The following SRGAP2 variants were observed in gnomAD, a reference collection of about 807,000 sequenced individuals.
SRGAP2 encodes SLIT-ROBO Rho GTPase-activating protein 2.
SRGAP2 carries 15 observed loss-of-function variants against 57.2 expected under a neutral mutation model. The observed-to-expected ratio is 0.26, with a 90% confidence interval of 0.18 to 0.40. SRGAP2 has a LOEUF of 0.40. Among genes scored for constraint, SRGAP2 ranks in the 10% least tolerant of loss-of-function variants. SRGAP2 has a pLI of 1.00. For synonymous variants in SRGAP2, 249 were observed against 248.0 expected, an observed-to-expected ratio of 1.00 and a Z score of -0.04; for missense variants, 520 against 669.6, an observed-to-expected ratio of 0.78 and a Z score of 2.47.
intron 19 of SRGAP2, among the ~76,000 whole-genome samples, chr1:206,452,701 AC>A (rs1200048360): frequency 2.6e-5 from 4 of 152,036 alleles, no homozygotes; most frequent in African/African-American, 9.7e-5. Flanking sequence ...ATCCTGGCTA[AC>A]ATGGTGAAAC....
At chr1:206,290,905 C>T (rs1479902851) in intron 2 of SRGAP2, among the ~76,000 whole-genome samples, 4 of 152,052 alleles carry the variant, frequency 2.6e-5, no homozygotes, top group Non-Finnish European at 4.4e-5. Flanking sequence ...CTTTTCTCTG[C>T]GGCCTCTCCA....
At chr1:206,439,947 A>C (rs1553371333) in intron 16 of SRGAP2, 29 bp from the exon 17 acceptor site, 2 of 778,670 alleles carry the variant, frequency 2.6e-6, no homozygotes, top group South Asian at 2.7e-5. Context: ...GTCATAGTGG[A>C]GGATAACACA....
rs11120575 is a variant in SRGAP2 at position 206,453,261 on chromosome 1, A to G, written c.2241A>G (p.Leu747=). ...FDYVGRTARE[L]SFKKGASLLL... Reference sequence around the variant, plus strand: ...ACGTGGGCCGGACAGCCCGAGAGCTATCCTTTAAGAAGGGAGCATCCCTGC... The same window carrying G: ...ACGTGGGCCGGACAGCCCGAGAGCTGTCCTTTAAGAAGGGAGCATCCCTGC... The change falls in exon 20 of 23, where the codon CTA becomes CTG. Residue 747 remains leucine (L), a synonymous_variant. Transcript: ENST00000573034. The G allele has an allele frequency of 0.54, 395,981 of 738,452 alleles. 110,120 individuals carry two copies. The highest frequency in any genetic ancestry group is 0.77 in the East Asian group (28,902 of 37,438). 45.7% of individuals were successfully genotyped at this position (738,452 alleles called of 1,614,324 possible). A position where few individuals can be genotyped will look rare whatever the true frequency, so the allele number is the denominator to read the frequency against.
chr1:206,274,939 TAA>T (rs1301575461), intron 2 of SRGAP2, among the ~76,000 whole-genome samples: 2 of 108,494 alleles, frequency 1.8e-5, no homozygotes, highest in Non-Finnish European at 3.7e-5. Flanking sequence ...GATATATCCC[TAA>T]TCAAGAGCCT....
rs1553380525 is a variant in SRGAP2 at position 206,461,186 on chromosome 1, C to T, written c.2982C>T (p.Ser994=). The T allele has an allele frequency of 1.3e-6, 1 of 780,596 alleles. No individual in the cohort carries two copies. The highest frequency in any genetic ancestry group is 2.4e-6 in the Non-Finnish European group (1 of 417,852). The allele number at this position is 780,596 out of a possible 1,614,324, so 48.4% of individuals were successfully genotyped here. ...TGGCCCCCACGTCAGAGCCCTCCAGCCCTCTGCACACCCAGCTCCTCAAGG... is the reference window on the plus strand; with the variant it reads ...TGGCCCCCACGTCAGAGCCCTCCAGTCCTCTGCACACCCAGCTCCTCAAGG... ...PVVAPTSEPS[S]PLHTQLLKDP... Residue 994 remains serine, a synonymous_variant, in exon 23 of 23, where the codon AGC becomes AGT. Coordinates refer to ENST00000573034, the MANE Select transcript of SRGAP2 (RefSeq NM_015326.5).
At chr1:206,342,139 A>T (rs1363193028) in intron 3 of SRGAP2, among the ~76,000 whole-genome samples, 1 of 152,038 alleles carries the variant, frequency 6.6e-6, no homozygotes, top group East Asian at 1.9e-4. Context: ...AATGAAATCA[A>T]AACTTCCTTA....
intron 2 of SRGAP2, among the ~76,000 whole-genome samples, chr1:206,262,203 A>G (rs1669596202): frequency 6.8e-6 from 1 of 148,088 alleles, no homozygotes; most frequent in African/African-American, 2.5e-5. Context: ...TTCTGTGTTC[A>G]AATCCTGGTT....
intron 2 of SRGAP2, among the ~76,000 whole-genome samples, chr1:206,239,568 G>A (rs1362165898): frequency 3.3e-5 from 5 of 151,626 alleles, no homozygotes; most frequent in Non-Finnish European, 5.9e-5. Context: ...AGCAGTTCTT[G>A]TGCCTCAGCC....
At chr1:206,270,698 C>T (rs1670134577) in intron 2 of SRGAP2, among the ~76,000 whole-genome samples, 2 of 111,608 alleles carry the variant, frequency 1.8e-5, no homozygotes, top group South Asian at 3.3e-4. Context: ...TGAAAAATCT[C>T]CAAGACACAC....
At chr1:206,459,025 AG>A (rs1664058552) in intron 22 of SRGAP2, 78 bp downstream of exon 22, 2 of 641,860 alleles carry the variant, frequency 3.1e-6, no homozygotes, top group Non-Finnish European at 5.7e-6. Flanking sequence ...TAATTATGAC[AG>A]GACTTGAAAC....
chr1:206,415,873 TC>T lies in SRGAP2; in HGVS notation c.1357-14del, dbSNP rs3833478. Reference sequence around the variant, plus strand: ...TCAGGAGTCTGATTGCTCTTTTTCCTCCTCCTCTCTTACAGAAAATGAAAGA... The same window carrying T: ...TCAGGAGTCTGATTGCTCTTTTTCCTCTCCTCTCTTACAGAAAATGAAAGA... On this transcript the variant is annotated splice_polypyrimidine_tract_variant and intron_variant, in intron 10 of 22. Transcript: ENST00000573034. 0.017 allele frequency: 13,493 copies of T among 775,662 alleles called. 185 individuals carry two copies. The highest frequency in any genetic ancestry group is 0.032 in the South Asian group (2,319 of 73,500). 48.0% of individuals were successfully genotyped at this position (775,662 alleles called of 1,614,324 possible). A position where few individuals can be genotyped will look rare whatever the true frequency, so the allele number is the denominator to read the frequency against.
intron 3 of SRGAP2, among the ~76,000 whole-genome samples, chr1:206,313,775 C>T (rs1672847548): frequency 1.3e-5 from 2 of 151,524 alleles, no homozygotes; most frequent in Non-Finnish European, 2.9e-5. Context: ...TGCAGTAGAT[C>T]ATAAGGATCT....
At chr1:206,240,956 G>T (rs548557820) in intron 2 of SRGAP2, among the ~76,000 whole-genome samples, 1 of 152,286 alleles carries the variant, frequency 6.6e-6, no homozygotes, top group Non-Finnish European at 1.5e-5. Flanking sequence ...GGCTGAGGTG[G>T]GTGGATTGCT....
At chr1:206,450,551 T>C in intron 19 of SRGAP2, 86 bp downstream of exon 19, 2 of 708,026 alleles carry the variant, frequency 2.8e-6, no homozygotes, top group Non-Finnish European at 5.3e-6. Context: ...CTGATGAACC[T>C]GTCTGCCCAG....
intron 5 of SRGAP2, among the ~76,000 whole-genome samples, chr1:206,389,256 G>A (rs1656663779): frequency 7.5e-6 from 1 of 133,370 alleles, no homozygotes; most frequent in African/African-American, 2.9e-5. Flanking sequence ...CTCACTGCAA[G>A]CTCCACCTCC....
chr1:206,301,072 C>T (rs1671845374), intron 2 of SRGAP2, among the ~76,000 whole-genome samples: 8 of 152,164 alleles, frequency 5.3e-5, no homozygotes. Flanking sequence ...CGCTCTGTCG[C>T]CCAGGCTGGA....
intron 6 of SRGAP2, 108 bp downstream of exon 6, chr1:206,393,012 G>A (rs1657157738): frequency 1.4e-6 from 1 of 714,412 alleles, no homozygotes; most frequent in Non-Finnish European, 2.6e-6. Flanking sequence ...GAAGCTCTGG[G>A]TTCTTTTAGT....
chr1:206,411,129 G>C (rs150543033), intron 10 of SRGAP2, among the ~76,000 whole-genome samples: 48 of 152,340 alleles, frequency 3.2e-4, no homozygotes, highest in Admixed American at 5.2e-4. Context: ...CAAAGTGCTG[G>C]GATTACAGGC....
At chr1:206,255,181 C>G (rs1312966372) in intron 2 of SRGAP2, among the ~76,000 whole-genome samples, 4 of 142,394 alleles carry the variant, frequency 2.8e-5, no homozygotes, top group Non-Finnish European at 6.1e-5. Context: ...TACTCTGCTG[C>G]TTCCTGGGTT....
Sources: gnomAD v4.1 joint callset for allele counts (sites outside exome capture counted in the v4.1 genomes callset) on GRCh38, gnomAD v4.1.1 for gene constraint, MANE v1.5 for transcripts, NCBI Gene and HGNC (gene_info 2026-07-23, HGNC 2026-07-21) for gene names.